JAK3: variants seen among roughly 807,000 people sequenced by gnomAD.
JAK3 encodes tyrosine-protein kinase JAK3.
In JAK3, 88 loss-of-function variants were observed where a neutral mutation model predicts 120.8. The observed-to-expected ratio is 0.73, with a 90% CI of 0.61 to 0.87. The LOEUF (loss-of-function observed/expected upper bound fraction) is 0.87, where lower values mean the gene tolerates loss of function less well. JAK3 is among the 40% of genes least tolerant of loss of function. The pLI is 0.00. For synonymous variants in JAK3, 592 were observed against 628.6 expected, an observed-to-expected ratio of 0.94 and a Z score of 0.87; for missense variants, 1,254 against 1,501.4, an observed-to-expected ratio of 0.84 and a Z score of 2.72.
At position 17,829,945 on chromosome 19, in the gene JAK3, C is replaced by G; in HGVS notation, c.3207+163G>C. 4.4e-6 allele frequency: 3 copies of G among 680,538 alleles called. 1 individual carries two copies. The Admixed American group carries it at 6.2e-5, about 14-fold the overall frequency. 42.2% of individuals were successfully genotyped at this position (680,538 alleles called of 1,614,324 possible). A position where few individuals can be genotyped will look rare whatever the true frequency, so the allele number is the denominator to read the frequency against. ...AACTGAGGCTCTGAAAGTGCTCTGA[C>G]TTGCCACACAGTGAGAGAGTAGCCA... On this transcript the variant is annotated intron_variant, in intron 23 of 23. Coordinates refer to ENST00000458235, the MANE Select transcript of JAK3 (RefSeq NM_000215.4).
intron 8 of JAK3, 23 bp from the exon 9 acceptor site, chr19:17,840,364 A>T (rs1455418146): frequency 6.6e-7 from 1 of 1,504,490 alleles, no homozygotes; most frequent in Non-Finnish European, 9.2e-7. Context: ...GTGAGAGGGA[A>T]TGGGGAGGAG....
chr19:17,828,227 TTGTTTTGTTTTGTTTTG>T (rs750287698), intron 23 of JAK3, among the ~76,000 whole-genome samples: 56 of 64,974 alleles, frequency 8.6e-4, no homozygotes, highest in African/African-American at 1.0e-3. Flanking sequence ...AATTTTGTCT[TTGTTTTGTTTTGTTTTG>T]TTTTGTTTTG....
chr19:17,842,755 A>C lies in JAK3; in HGVS notation c.567-145T>G, dbSNP rs2094243053. ...CACACACAGACTCTCATTCAGGGTC[A>C]GGTATGAGGACCGGACCTCAGAGTA... On this transcript the variant is annotated intron_variant, in intron 5 of 23. Coordinates refer to ENST00000458235, the MANE Select transcript of JAK3 (RefSeq NM_000215.4). This position sits in a 1 kb window ranked among gnomAD's most constrained non-coding sequence, Gnocchi z 6.4. 2.1e-6 allele frequency: 2 copies of C among 945,246 alleles called. No individual in the cohort carries two copies. The highest frequency in any genetic ancestry group is 5.4e-5 in the Admixed American group (2 of 37,084). The allele number at this position is 945,246 out of a possible 1,614,324, so 58.6% of individuals were successfully genotyped here.
intron 13 of JAK3, chr19:17,836,725 G>T: frequency 2.3e-6 from 1 of 427,802 alleles, no homozygotes; most frequent in Non-Finnish European, 4.4e-6. Context: ...TGGCCCAGCA[G>T]CCTCTCTGAC....
intron 12 of JAK3, 53 bp downstream of exon 12, chr19:17,837,879 A>G (rs1348419138): frequency 6.2e-7 from 1 of 1,611,164 alleles, no homozygotes; most frequent in Non-Finnish European, 8.5e-7. Flanking sequence ...TGCATCCACG[A>G]CCCCCTCTCC....
intron 13 of JAK3, among the ~76,000 whole-genome samples, chr19:17,836,482 A>G (rs2094224567): frequency 6.6e-6 from 1 of 152,064 alleles, no homozygotes; most frequent in Non-Finnish European, 1.5e-5. Flanking sequence ...GGGTCTTGCC[A>G]TGTTGGCCAG....
chr19:17,836,082 G>T, intron 13 of JAK3, 31 bp from the exon 14 acceptor site: 1 of 1,611,738 alleles, frequency 6.2e-7, no homozygotes, highest in South Asian at 1.1e-5. Context: ...GCGGGGTTGG[G>T]AGACTGAACT....
chr19:17,827,717 TAAAAAAAA>T (rs760856974), intron 23 of JAK3, among the ~76,000 whole-genome samples: 2 of 77,690 alleles, frequency 2.6e-5, no homozygotes, highest in African/African-American at 6.0e-5. Flanking sequence ...CCATCTTAAC[TAAAAAAAA>T]AAAAAAAAAA....
At position 17,841,735 on chromosome 19, in the gene JAK3, C is replaced by T. The variant is rs766276364; in HGVS notation, c.889G>A (p.Glu297Lys). The T allele has an allele frequency of 1.2e-6, 2 of 1,610,666 alleles. No individual in the cohort carries two copies. Among genetic ancestry groups the T allele is most frequent in the South Asian group, 2.2e-5 (2 of 91,084 alleles). ...EVLQPFCDFP[E>K]IVDISIKQAP... ...TGCTTGATGCTAATGTCTACGATTT[C>T]TGGAAAGTCGCAGAAGGGCTGGAGG... The change falls in exon 7 of 24, where the codon GAA (glutamate) becomes AAA (lysine). Residue 297 changes from glutamate (E) to lysine (K), a missense_variant. Physicochemically the swap from Glu to Lys is moderately conservative, Grantham distance 56. Transcript: ENST00000458235. The surrounding 1 kb of genome is among the most constrained non-coding windows in gnomAD (Gnocchi z 4.1).
rs751055857 is a variant in JAK3, at chr19:17,841,719, C to T, written c.905G>A (p.Ser302Asn). The T allele has an allele frequency of 3.7e-6, 6 of 1,612,338 alleles. No homozygotes were observed. The highest frequency in any genetic ancestry group is 4.2e-6 in the Non-Finnish European group (5 of 1,180,004). The change falls in exon 7 of 24, where the codon AGC (serine) becomes AAC (asparagine). Residue 302 changes from serine (S) to asparagine (N), a missense_variant. Transcript: ENST00000458235. This position sits in a 1 kb window ranked among gnomAD's most constrained non-coding sequence, Gnocchi z 4.1. ...FCDFPEIVDI[S>N]IKQAPRVGPA... ...GCCAACGCGCGGGGCCTGCTTGATG[C>T]TAATGTCTACGATTTCTGGAAAGTC...
At chr19:17,845,184 T>C (rs1240545660) in intron 1 of JAK3, among the ~76,000 whole-genome samples, 2 of 152,140 alleles carry the variant, frequency 1.3e-5, no homozygotes, top group Non-Finnish European at 2.9e-5. Context: ...TTTTGCTTTT[T>C]TGAGACAGAG....
chr19:17,843,443 C>T lies in JAK3; in HGVS notation c.357G>A (p.Gly119=). Residue 119 remains glycine (G), a synonymous_variant, in exon 4 of 24, where the codon GGG becomes GGA. Transcript: ENST00000458235. The surrounding 1 kb of genome is among the most constrained non-coding windows in gnomAD (Gnocchi z 5.4). The part of the protein sequence containing the change: ...WFGLEKCHRF[G]LRKDLASAIL... ...TAGCACTGGCCAAATCCTTGCGTAG[C>T]CCGAAGCGGTGGCACTTCTCCAGCC... is the stretch of plus-strand genomic sequence containing the variant. The T allele has an allele frequency of 6.2e-7, 1 of 1,600,072 alleles. No homozygotes were observed. Among genetic ancestry groups the T allele is most frequent in the Non-Finnish European group, 8.5e-7 (1 of 1,173,480 alleles).
rs990580539 is a variant in JAK3, at chr19:17,842,375, G to A, written c.802C>T (p.Leu268=). 1 of 1,585,458 alleles carries A rather than the reference G, an allele frequency of 6.3e-7. No individual in the cohort carries two copies. Among genetic ancestry groups the A allele is most frequent in the Non-Finnish European group, 8.5e-7 (1 of 1,170,112 alleles). The stretch of plus-strand genomic sequence containing the variant: ...TCACCAGCCACGCGGAGCAGCCCCA[G>A]CCCGTCGTGGCCACCAAGGGCCCCA... ...LPGALGGHDG[L]GLLRVAGDGG... Residue 268 remains leucine (L), a synonymous_variant, in exon 6 of 24, where the codon CTG becomes TTG. Coordinates refer to ENST00000458235, the MANE Select transcript of JAK3 (RefSeq NM_000215.4). The surrounding 1 kb of genome is among the most constrained non-coding windows in gnomAD (Gnocchi z 6.4).
intron 17 of JAK3, 117 bp from the exon 18 acceptor site, chr19:17,833,046 G>A (rs2094217367): frequency 1.3e-6 from 2 of 1,506,218 alleles, no homozygotes; most frequent in Non-Finnish European, 1.8e-6. Context: ...ATTATGGCAG[G>A]GCCATTGCAA....
In JAK3 at chr19:17,835,173, C is replaced by A. The variant is rs2147683131; in HGVS notation, c.1957G>T (p.Val653Leu). 6.2e-7 allele frequency: 1 copy of A among 1,614,242 alleles called. No homozygotes were observed. Among genetic ancestry groups the A allele is most frequent in the South Asian group, 1.1e-5 (1 of 91,086 alleles). ...LPHGNVSARK[V>L]LLAREGADGS... ...TCAGCCCCCTCCCGAGCCAGGAGCA[C>A]CTTCCGGGCAGAGACATTGCCATGG... The change falls in exon 15 of 24, where the codon GTG (valine) becomes TTG (leucine). Residue 653 changes from valine to leucine, a missense_variant. By Grantham distance (32) the Val-to-Leu change is conservative (BLOSUM62 1). Transcript: ENST00000458235.
In JAK3 at chr19:17,834,664, C is replaced by T; in HGVS notation, c.2257G>A (p.Ala753Thr). The change falls in exon 17 of 24, where the codon GCC (alanine) becomes ACC (threonine). Residue 753 changes from alanine (A) to threonine (T), a missense_variant. Transcript: ENST00000458235. ...QLPAPKWTEL[A>T]LLIQQCMAYE... The stretch of plus-strand genomic sequence containing the variant: ...GCCATGCACTGTTGAATCAGCAGGG[C>T]CAGCTCTGTCCACTTGGGGGCCGGC... The T allele has an allele frequency of 6.2e-7, 1 of 1,614,094 alleles. No individual in the cohort carries two copies. Among genetic ancestry groups the T allele is most frequent in the South Asian group, 1.1e-5 (1 of 91,086 alleles).
Position 17,839,698 on chromosome 19 carries a change from C to T in JAK3, c.1255-35G>A, listed in dbSNP as rs3212745. 3.6e-3 allele frequency: 5,296 copies of T among 1,487,386 alleles called. 146 individuals are homozygous for T. In the African/African-American group the frequency reaches 0.073, roughly 20 times the overall value. The allele number at this position is 1,487,386 out of a possible 1,614,324, so 92.1% of individuals were successfully genotyped here. A position where few individuals can be genotyped will look rare whatever the true frequency, so the allele number is the denominator to read the frequency against. ...AGAGTGGCCCCTGAGTGGGACTGAG[C>T]GACAGACACTCTCCTTCTCAGTCCT... On this transcript the variant is annotated intron_variant, in intron 9 of 23. Coordinates refer to ENST00000458235, the MANE Select transcript of JAK3 (RefSeq NM_000215.4).
intron 14 of JAK3, among the ~76,000 whole-genome samples, chr19:17,835,526 A>G (rs2094222598): frequency 6.6e-6 from 1 of 151,956 alleles, no homozygotes; most frequent in Non-Finnish European, 1.5e-5. Context: ...CCACACTTGC[A>G]CCCTGGTCTC....
chr19:17,834,702 T>C lies in JAK3; in HGVS notation c.2219A>G (p.Asp740Gly), dbSNP rs2094220711. 1 of 1,614,078 alleles carries C rather than the reference T, an allele frequency of 6.2e-7. No individual in the cohort carries two copies. Among genetic ancestry groups the C allele is most frequent in the Admixed American group, 1.7e-5 (1 of 60,008 alleles). The change falls in exon 17 of 24, where the codon GAC becomes GGC. Residue 740 changes from aspartate to glycine, a missense_variant. This residue lies in a region of JAK3 where 630 missense variants were observed against 819.8 expected (regional missense o/e 0.77). Transcript: ENST00000458235. ...CTTGGGGGCCGGCAGCTGCTGCCGG[T>C]CCTCATAAAATTGGAGTTTCTGAGG... The part of the protein sequence containing the change: ...DPAKKLQFYE[D>G]RQQLPAPKWT...
Sources: gnomAD v4.1 joint callset for allele counts (sites outside exome capture counted in the v4.1 genomes callset) on GRCh38, gnomAD v4.1.1 for gene constraint, gnomAD v4.1.1 regional missense constraint, Gnocchi (gnomAD v3.1) non-coding constraint, MANE v1.5 for transcripts, NCBI Gene and HGNC (gene_info 2026-07-23, HGNC 2026-07-21) for gene names.